PRKG1: variants seen among roughly 807,000 people sequenced by gnomAD.
PRKG1 encodes the protein protein kinase cGMP-dependent 1.
PRKG1 carries 35 observed loss-of-function variants against 88.1 expected under a neutral mutation model. The observed-to-expected ratio is 0.40, with a 90% CI of 0.30 to 0.53. PRKG1 has a LOEUF of 0.53. PRKG1 is among the 20% of genes least tolerant of loss of function. The pLI is 0.59. For synonymous variants in PRKG1, 303 were observed against 292.5 expected, an observed-to-expected ratio of 1.04 and a Z score of -0.37; for missense variants, 540 against 839.8, an observed-to-expected ratio of 0.64 and a Z score of 4.41.
At chr10:51,219,715 A>T (rs1345838712) in intron 2 of PRKG1, among the ~76,000 whole-genome samples, 1 of 152,054 alleles carries the variant, frequency 6.6e-6, no homozygotes, top group Non-Finnish European at 1.5e-5. Context: ...ATCTCAAAAA[A>T]AAAATAATAA....
intron 2 of PRKG1, among the ~76,000 whole-genome samples, chr10:51,217,423 C>T (rs919502853): frequency 1.3e-5 from 2 of 151,972 alleles, no homozygotes; most frequent in African/African-American, 4.8e-5. Context: ...AATCTATCAC[C>T]ATCTCTCTTT....
intron 4 of PRKG1, among the ~76,000 whole-genome samples, chr10:51,882,433 C>T (rs976583620): frequency 5.3e-5 from 8 of 152,180 alleles, no homozygotes; most frequent in Non-Finnish European, 1.2e-4. Flanking sequence ...AGTGAGATTT[C>T]CTTCCAGATC....
chr10:51,382,420 C>CT (rs1837131699), intron 2 of PRKG1, among the ~76,000 whole-genome samples: 2 of 152,160 alleles, frequency 1.3e-5, no homozygotes, highest in Non-Finnish European at 2.9e-5. Flanking sequence ...TAAGGGCTGT[C>CT]TTTAACCTCT....
At chr10:51,418,960 G>A (rs1232259809) in intron 2 of PRKG1, among the ~76,000 whole-genome samples, 1 of 152,102 alleles carries the variant, frequency 6.6e-6, no homozygotes, top group Non-Finnish European at 1.5e-5. Context: ...ATTGTTTTGG[G>A]GGCGAAAGTA....
intron 3 of PRKG1, among the ~76,000 whole-genome samples, chr10:51,652,658 A>G (rs1404960220): frequency 6.6e-6 from 1 of 152,188 alleles, no homozygotes; most frequent in Non-Finnish European, 1.5e-5. Context: ...ATACAAAGTA[A>G]TGTTTTGATA....
At chr10:51,911,174 C>T (rs908718267) in intron 5 of PRKG1, 2 of 152,090 alleles carry the variant, frequency 1.3e-5, no homozygotes, top group African/African-American at 4.8e-5. Context: ...GACCTATAAC[C>T]TCTGTAAATA....
intron 4 of PRKG1, among the ~76,000 whole-genome samples, chr10:51,891,718 G>A (rs528179440): frequency 2.0e-5 from 3 of 152,136 alleles, no homozygotes; most frequent in Non-Finnish European, 2.9e-5. Context: ...TTGTCGCAAC[G>A]CAACTACTCA....
chr10:52,033,343 T>C (rs1845518458), intron 5 of PRKG1, among the ~76,000 whole-genome samples: 1 of 152,150 alleles, frequency 6.6e-6, no homozygotes, highest in Admixed American at 6.5e-5. Flanking sequence ...CTGGTCAAAG[T>C]TGATAAAACA....
intron 1 of PRKG1, among the ~76,000 whole-genome samples, chr10:51,067,266 G>GTA (rs1843763311): frequency 1.3e-5 from 1 of 78,162 alleles, no homozygotes; most frequent in Non-Finnish European, 2.4e-5. Flanking sequence ...TTGTATGTAT[G>GTA]TGTGTATATA....
At chr10:52,108,044 T>C (rs1302274080) in intron 7 of PRKG1, among the ~76,000 whole-genome samples, 1 of 152,210 alleles carries the variant, frequency 6.6e-6, no homozygotes, top group Non-Finnish European at 1.5e-5. Context: ...TGCACATATA[T>C]AGACATTGGG....
At chr10:51,688,531 T>G (rs1841051905) in intron 3 of PRKG1, among the ~76,000 whole-genome samples, 1 of 150,834 alleles carries the variant, frequency 6.6e-6, no homozygotes, top group Non-Finnish European at 1.5e-5. Context: ...ATTAAAGCAT[T>G]GACCTGCTTT....
chr10:51,032,753 T>TCAAA (rs373263836), intron 1 of PRKG1, among the ~76,000 whole-genome samples: 21 of 152,206 alleles, frequency 1.4e-4, no homozygotes, highest in African/African-American at 2.9e-4. Context: ...TGACTCTGTC[T>TCAAA]CAAACAAACA....
chr10:51,841,911 G>C (rs1191175193), intron 4 of PRKG1, among the ~76,000 whole-genome samples: 7 of 152,144 alleles, frequency 4.6e-5, no homozygotes, highest in African/African-American at 1.7e-4. Context: ...TCTAACTCCT[G>C]ACCTCAAGTG....
intron 5 of PRKG1, among the ~76,000 whole-genome samples, chr10:51,953,645 A>C (rs1843236696): frequency 6.6e-6 from 1 of 152,108 alleles, no homozygotes; most frequent in Non-Finnish European, 1.5e-5. Context: ...TGTGTCAGTA[A>C]GTGCTTAATA....
intron 9 of PRKG1, among the ~76,000 whole-genome samples, chr10:52,232,307 A>G (rs1840544931): frequency 6.6e-6 from 1 of 152,164 alleles, no homozygotes; most frequent in Non-Finnish European, 1.5e-5. Flanking sequence ...CATCTCACAG[A>G]AAACAAACAA....
At chr10:51,799,356 T>G (rs1180590140) in intron 3 of PRKG1, among the ~76,000 whole-genome samples, 2 of 152,058 alleles carry the variant, frequency 1.3e-5, no homozygotes, top group African/African-American at 4.8e-5. Flanking sequence ...GTCTCACCTC[T>G]GACTACCCCC....
intron 10 of PRKG1, among the ~76,000 whole-genome samples, chr10:52,257,503 A>G (rs1841337659): frequency 7.1e-6 from 1 of 139,916 alleles, no homozygotes; most frequent in Admixed American, 7.5e-5. Context: ...CAGCAATGAA[A>G]CAGAATAGCT....
intron 1 of PRKG1, among the ~76,000 whole-genome samples, chr10:51,106,286 G>T (rs1350879574): frequency 1.3e-5 from 2 of 152,154 alleles, no homozygotes; most frequent in Non-Finnish European, 2.9e-5. Context: ...ATAGAATTAT[G>T]GTAAATTCTC....
chr10:51,724,978 G>A (rs1842098353), intron 3 of PRKG1, among the ~76,000 whole-genome samples: 1 of 145,860 alleles, frequency 6.9e-6, no homozygotes, highest in Admixed American at 7.2e-5. Context: ...CCAAACTGTT[G>A]GGATTGCAGG....
Sources: allele counts gnomAD v4.1 joint callset (sites outside exome capture counted in the v4.1 genomes callset), GRCh38; gene constraint gnomAD v4.1.1; transcripts MANE v1.5; gene names NCBI Gene and HGNC (gene_info 2026-07-23, HGNC 2026-07-21).